The following STARD5 variants were observed in gnomAD, a reference collection of about 807,000 sequenced individuals.
STARD5 encodes the protein stAR-related lipid transfer protein 5.
In STARD5, 26 loss-of-function variants were observed where a neutral mutation model predicts 24.6. The observed-to-expected ratio is 1.06, with a 90% CI of 0.77 to 1.47. The LOEUF is 1.47. Ranked by LOEUF, STARD5 falls within the 40% of genes most tolerant of loss-of-function variation. The pLI is 0.00. For synonymous variants in STARD5, 101 were observed against 99.7 expected, an observed-to-expected ratio of 1.01 and a Z score of -0.07; for missense variants, 254 against 270.8, an observed-to-expected ratio of 0.94 and a Z score of 0.44.
At chr15:81,319,820 G>C (rs1901159871) in intron 3 of STARD5, among the ~76,000 whole-genome samples, 1 of 152,146 alleles carries the variant, frequency 6.6e-6, no homozygotes, top group Non-Finnish European at 1.5e-5. Context: ...CCCTCCTACA[G>C]GTGAGGAAAC....
At chr15:81,314,831 A>C (rs1360544236) in intron 5 of STARD5, among the ~76,000 whole-genome samples, 2 of 145,464 alleles carry the variant, frequency 1.4e-5, no homozygotes, top group African/African-American at 5.0e-5. Context: ...GGTTGCAGTG[A>C]GCCGAGATTA....
intron 4 of STARD5, 114 bp from the exon 5 acceptor site, chr15:81,318,616 G>C (rs4617816): frequency 0.057 from 51,068 of 888,140 alleles, 2,376 homozygotes; most frequent in African/African-American, 0.21. Flanking sequence ...AGTCTGTGAG[G>C]GACTCCTGCC....
chr15:81,322,731 A>C, intron 2 of STARD5, 168 bp downstream of exon 2: 3 of 1,298,438 alleles, frequency 2.3e-6, no homozygotes, highest in Non-Finnish European at 3.2e-6. Flanking sequence ...AAGCTTTCAC[A>C]AGAATACAGT....
At position 81,312,431 on chromosome 15, in the gene STARD5, G is replaced by A. The variant is rs754509804; in HGVS notation, c.*825C>T. 1 of 152,256 alleles carries A rather than the reference G, an allele frequency of 6.6e-6. No homozygotes were observed. The highest frequency in any genetic ancestry group is 2.4e-5 in the African/African-American group (1 of 41,466). The allele number at this position is 152,256 out of a possible 1,614,324, so 9.4% of individuals were successfully genotyped here. ...CCTCCTGCCTCCGCCTCAGTAAGAC[G>A]ACAAGGAAAGGCAAATGCCCAAGGG... On this transcript the variant is annotated 3_prime_UTR_variant, in exon 6 of 6. Coordinates refer to ENST00000302824, the MANE Select transcript of STARD5 (RefSeq NM_181900.3).
In STARD5 at chr15:81,318,389, A is replaced by G. The variant is rs1901125738; in HGVS notation, c.494+20T>C. The G allele has an allele frequency of 6.2e-7, 1 of 1,608,310 alleles. No individual in the cohort carries two copies. The highest frequency in any genetic ancestry group is 1.7e-5 in the Admixed American group (1 of 60,000). On this transcript the variant is annotated intron_variant, in intron 5 of 5. Coordinates refer to ENST00000302824, the MANE Select transcript of STARD5 (RefSeq NM_181900.3). ...AGTTAGGTCTGAGCCATGTACCTCA[A>G]TGCAGGAAATTATCCTTACCCTGGA... is the stretch of plus-strand genomic sequence containing the variant.
In STARD5 at chr15:81,321,110, G is replaced by A. The variant is rs142592607; in HGVS notation, c.282+1298C>T. 6.2e-4 allele frequency among the ~76,000 whole-genome samples: 95 copies of A among 152,284 alleles called. No homozygotes were observed. In the East Asian group the frequency reaches 0.018, roughly 28 times the overall value. ...GTAAACCTGAGCTCACCAGTAGCCT[G>A]TGCTTCCCCTCTACTTTGCAGTTGT... On this transcript the variant is annotated intron_variant, in intron 3 of 5. Transcript: ENST00000302824.
At chr15:81,322,785 G>A in intron 2 of STARD5, 114 bp downstream of exon 2, 1 of 1,422,026 alleles carries the variant, frequency 7.0e-7, no homozygotes, top group Non-Finnish European at 9.8e-7. Flanking sequence ...CTTTTCTGGA[G>A]GACAAGTGAT....
At chr15:81,318,950 G>A (rs1266239612) in intron 4 of STARD5, among the ~76,000 whole-genome samples, 1 of 152,206 alleles carries the variant, frequency 6.6e-6, no homozygotes, top group Non-Finnish European at 1.5e-5. Context: ...GCTGTGCAGA[G>A]GCAGGAGCCC....
chr15:81,323,133 A>T (rs1011222845), intron 1 of STARD5, 185 bp from the exon 2 acceptor site: 2 of 618,700 alleles, frequency 3.2e-6, no homozygotes, highest in African/African-American at 3.7e-5. Flanking sequence ...GCAGAATGTG[A>T]TGAAGAAAAA....
intron 3 of STARD5, among the ~76,000 whole-genome samples, chr15:81,321,297 C>G (rs1379551467): frequency 6.6e-6 from 1 of 152,008 alleles, no homozygotes; most frequent in Non-Finnish European, 1.5e-5. Context: ...ACACTCGTAC[C>G]TCAATCCAAT....
intron 5 of STARD5, among the ~76,000 whole-genome samples, chr15:81,315,816 G>T (rs1474206283): frequency 6.6e-6 from 1 of 152,152 alleles, no homozygotes; most frequent in South Asian, 2.1e-4. Context: ...GGGAGAGGGT[G>T]GAGTGCAGAC....
intron 3 of STARD5, 67 bp from the exon 4 acceptor site, chr15:81,319,523 T>G: frequency 1.4e-6 from 2 of 1,387,780 alleles, no homozygotes; most frequent in Non-Finnish European, 2.1e-6. Context: ...TCCCACCCCA[T>G]CCCTCAAGGT....
chr15:81,313,580 G>A, intron 5 of STARD5, 177 bp from the exon 6 acceptor site: 1 of 477,584 alleles, frequency 2.1e-6, no homozygotes, highest in Non-Finnish European at 3.4e-6. Flanking sequence ...TTTTCAGGAT[G>A]GAAACCCATC....
chr15:81,324,083 G>T lies in STARD5; in HGVS notation c.17C>A (p.Ala6Glu). MDPAL[A>E]AQMSEAVAEK... ...GGCCACAGCCTCGCTCATCTGGGCT[G>T]CCAGCGCCGGGTCCATTGCGTCGGG... Residue 6 changes from alanine to glutamate, a missense_variant, in exon 1 of 6, where the codon GCA becomes GAA. Coordinates refer to ENST00000302824, the MANE Select transcript of STARD5 (RefSeq NM_181900.3). 1 of 1,512,868 alleles carries T rather than the reference G, an allele frequency of 6.6e-7. No homozygotes were observed. Among genetic ancestry groups the T allele is most frequent in the Non-Finnish European group, 8.9e-7 (1 of 1,119,638 alleles). 93.7% of individuals were successfully genotyped at this position (1,512,868 alleles called of 1,614,324 possible).
chr15:81,323,140 A>G, intron 1 of STARD5, 192 bp from the exon 2 acceptor site: 2 of 609,276 alleles, frequency 3.3e-6, no homozygotes, highest in East Asian at 5.6e-5. Context: ...GTGATGAAGA[A>G]AAAGATCTTA....
In STARD5 at chr15:81,324,134, G is replaced by A. The variant is rs748403551; in HGVS notation, c.-35C>T. On this transcript the variant is annotated 5_prime_UTR_variant, in exon 1 of 6. Transcript: ENST00000302824. ...AGCTGCGCTTAGCTGCGGGGTCGCGGGTGTTATGAGCGGCGGCGCTGGATC... is the reference window on the plus strand; with the variant it reads ...AGCTGCGCTTAGCTGCGGGGTCGCGAGTGTTATGAGCGGCGGCGCTGGATC... The A allele has an allele frequency of 7.7e-7, 1 of 1,305,810 alleles. No homozygotes were observed. Among genetic ancestry groups the A allele is most frequent in the Admixed American group, 3.6e-5 (1 of 27,808 alleles). The allele number at this position is 1,305,810 out of a possible 1,614,324, so 80.9% of individuals were successfully genotyped here.
chr15:81,319,375 C>G lies in STARD5; in HGVS notation c.364G>C (p.Val122Leu). The change falls in exon 4 of 6, where the codon GTC (valine) becomes CTC (leucine). Residue 122 changes from valine to leucine, a missense_variant. Coordinates refer to ENST00000302824, the MANE Select transcript of STARD5 (RefSeq NM_181900.3). The stretch of plus-strand genomic sequence containing the variant: ...ATGGTCCCATCCTCATATCTCTTGA[C>G]TAGCACCAAGTCCACAAAATCTCTG... ...SPRDFVDLVL[V>L]KRYEDGTISS... The G allele has an allele frequency of 6.2e-7, 1 of 1,614,220 alleles. No individual in the cohort carries two copies. Among genetic ancestry groups the G allele is most frequent in the South Asian group, 1.1e-5 (1 of 91,080 alleles).
intron 3 of STARD5, 47 bp downstream of exon 3, chr15:81,322,361 G>C: frequency 6.2e-7 from 1 of 1,612,384 alleles, no homozygotes; most frequent in Non-Finnish European, 8.5e-7. Flanking sequence ...GGTTACTATA[G>C]CCTGGCCCAG....
chr15:81,315,407 T>C (rs1256198019), intron 5 of STARD5, among the ~76,000 whole-genome samples: 3 of 152,098 alleles, frequency 2.0e-5, no homozygotes, highest in African/African-American at 4.8e-5. Flanking sequence ...TACACCATTA[T>C]GTGACAACAA....
Sources: gnomAD v4.1 joint callset for allele counts (sites outside exome capture counted in the v4.1 genomes callset) on GRCh38, gnomAD v4.1.1 for gene constraint, MANE v1.5 for transcripts, NCBI Gene and HGNC (gene_info 2026-07-23, HGNC 2026-07-21) for gene names.